OSBPL6: variants seen among roughly 807,000 people sequenced by gnomAD.
OSBPL6 encodes oxysterol binding protein like 6.
Under a neutral mutation model 125.8 loss-of-function variants are expected in OSBPL6, and 49 were observed. The ratio of observed to expected loss-of-function variants is 0.39; its 90% CI spans 0.31 to 0.49. The LOEUF (loss-of-function observed/expected upper bound fraction) is 0.49, where lower values mean the gene tolerates loss of function less well. OSBPL6 is among the 20% of genes least tolerant of loss of function. OSBPL6 has a pLI of 0.88. For synonymous variants in OSBPL6, 394 were observed against 391.8 expected (o/e 1.01, Z -0.07); for missense variants, 986 against 1,135.4 (o/e 0.87, Z 1.89).
At chr2:178,348,304 A>C (rs1256210940) in intron 11 of OSBPL6, among the ~76,000 whole-genome samples, 4 of 152,218 alleles carry the variant, frequency 2.6e-5, no homozygotes, top group Admixed American at 6.5e-5. Context: ...TGGTTCTTGA[A>C]GATAATTGAA....
At chr2:178,322,095 T>C (rs1688294458) in intron 3 of OSBPL6, among the ~76,000 whole-genome samples, 1 of 152,216 alleles carries the variant, frequency 6.6e-6, no homozygotes, top group Admixed American at 6.5e-5. Flanking sequence ...ACACTTCAAA[T>C]ATACCACATT....
chr2:178,355,504 C>T (rs1292314831), intron 12 of OSBPL6, among the ~76,000 whole-genome samples: 6 of 152,138 alleles, frequency 3.9e-5, no homozygotes, highest in African/African-American at 1.4e-4. Flanking sequence ...TTGATAAATT[C>T]CTGGATGCAT....
Position 178,211,688 on chromosome 2 carries a change from C to T in OSBPL6, c.-351+17014C>T, listed in dbSNP as rs1187826609. On this transcript the variant is annotated intron_variant, in intron 1 of 24. Transcript: ENST00000190611. ...CATCTTCATCTTTGCTTTTGGATCT[C>T]TCAGGTGTCAGCCACTGGCCCCAGT... Among the ~76,000 whole-genome samples the T allele has an allele frequency of 5.3e-5, 8 of 152,194 alleles. No homozygotes were observed. In the East Asian group the frequency reaches 1.5e-3, roughly 29 times the overall value.
At position 178,395,529 on chromosome 2, in the gene OSBPL6, T is replaced by C. The variant is rs1695785952; in HGVS notation, c.2775T>C (p.Phe925=). ...TYWELRKDPG[F]SKVDSPVLW ...GGGAGCTTCGAAAGGACCCTGGGTT[T>C]AGCAAAGTAGACAGCCCTGTTCTTT... is the stretch of plus-strand genomic sequence containing the variant. Residue 925 remains phenylalanine (F), a synonymous_variant, in exon 25 of 25, where the codon TTT becomes TTC. Transcript: ENST00000190611. The C allele has an allele frequency of 2.5e-6, 4 of 1,613,594 alleles. No individual in the cohort carries two copies. The highest frequency in any genetic ancestry group is 3.4e-6 in the Non-Finnish European group (4 of 1,179,598).
intron 1 of OSBPL6, among the ~76,000 whole-genome samples, chr2:178,229,483 C>T (rs1467444008): frequency 1.3e-5 from 2 of 152,196 alleles, no homozygotes; most frequent in Non-Finnish European, 2.9e-5. Context: ...TTCCCATTCC[C>T]TTTCCCTACC....
chr2:178,394,384 G>A lies in OSBPL6; in HGVS notation c.2645G>A (p.Arg882Gln), dbSNP rs767111652. 45 of 1,613,212 alleles carry A rather than the reference G, an allele frequency of 2.8e-5. No individual in the cohort carries two copies. The highest frequency in any genetic ancestry group is 8.9e-5 in the East Asian group (4 of 44,860). ...KQRVEELQRS[R>Q]RRYMEENNLE... is the part of the protein sequence containing the mutation. ...AGAGTAGAGGAACTCCAGAGATCTC[G>A]GAGACGATATATGGAAGAAAACAAT... Residue 882 changes from arginine to glutamine, a missense_variant, in exon 24 of 25, where the codon CGG becomes CAG. By Grantham distance (43) the Arg-to-Gln change is conservative. This residue lies in a region of OSBPL6 where 843 missense variants were observed against 997.3 expected (regional missense o/e 0.85). Transcript: ENST00000190611.
chr2:178,396,920 T>A lies in OSBPL6; in HGVS notation c.*1361T>A, dbSNP rs1349080738. On this transcript the variant is annotated 3_prime_UTR_variant, in exon 25 of 25. Coordinates refer to ENST00000190611, the MANE Select transcript of OSBPL6 (RefSeq NM_032523.4). ...TTCTGCACGTAGGTGACTATATAAA[T>A]GCCTGTATGTTTTTTTTAAAATATC... is the stretch of plus-strand genomic sequence containing the variant. The A allele has an allele frequency of 6.6e-6, 1 of 152,256 alleles. No individual in the cohort carries two copies. The highest frequency in any genetic ancestry group is 1.5e-5 in the Non-Finnish European group (1 of 68,046). The allele number at this position is 152,256 out of a possible 1,614,324, so 9.4% of individuals were successfully genotyped here. A position where few individuals can be genotyped will look rare whatever the true frequency, so the allele number is the denominator to read the frequency against.
chr2:178,205,019 G>A lies in OSBPL6; in HGVS notation c.-351+10345G>A, dbSNP rs146799962. 8.8e-3 allele frequency among the ~76,000 whole-genome samples: 1,340 copies of A among 151,950 alleles called. 31 individuals carry two copies. Among genetic ancestry groups the A allele is most frequent in the East Asian group, 0.075 (390 of 5,178 alleles). On this transcript the variant is annotated intron_variant, in intron 1 of 24. Transcript: ENST00000190611. ...ACACTGTACCCCACCTTCCCCCACC[G>A]TGAGCCCCAGCCTTTCTCAGTTTCA...
intron 1 of OSBPL6, among the ~76,000 whole-genome samples, chr2:178,226,440 G>A (rs2090566420): frequency 6.6e-6 from 1 of 152,210 alleles, no homozygotes; most frequent in Admixed American, 6.5e-5. Context: ...ATGGGTCTGG[G>A]GTGGGAAGAG....
intron 13 of OSBPL6, among the ~76,000 whole-genome samples, chr2:178,371,526 C>G (rs1004431979): frequency 3.9e-5 from 6 of 152,150 alleles, no homozygotes; most frequent in African/African-American, 1.4e-4. Context: ...AGTGTCTACA[C>G]TGTTGAGTGA....
At chr2:178,273,080 G>A (rs143059043) in intron 1 of OSBPL6, among the ~76,000 whole-genome samples, 1 of 152,282 alleles carries the variant, frequency 6.6e-6, no homozygotes, top group Non-Finnish European at 1.5e-5. Flanking sequence ...GATGTAATGG[G>A]GAGACTGTTC....
chr2:178,372,311 TC>T, intron 14 of OSBPL6, 78 bp downstream of exon 14: 1 of 979,812 alleles, frequency 1.0e-6, no homozygotes, highest in Non-Finnish European at 1.5e-6. Context: ...TTTATTTATA[TC>T]CAGTTCTTTC....
chr2:178,308,013 GA>G (rs1305582559), intron 3 of OSBPL6, among the ~76,000 whole-genome samples: 1 of 152,220 alleles, frequency 6.6e-6, no homozygotes, highest in Non-Finnish European at 1.5e-5. Context: ...TGATGGGAAT[GA>G]AAGGAGCATG....
At chr2:178,310,751 A>G (rs1574833949) in intron 3 of OSBPL6, among the ~76,000 whole-genome samples, 1 of 151,226 alleles carries the variant, frequency 6.6e-6, no homozygotes, top group Admixed American at 6.6e-5. Context: ...TCTCAAATCT[A>G]CTCCTGCCCA....
intron 3 of OSBPL6, among the ~76,000 whole-genome samples, chr2:178,314,790 C>G (rs1186453443): frequency 6.6e-6 from 1 of 152,160 alleles, no homozygotes; most frequent in Non-Finnish European, 1.5e-5. Context: ...TTGCCAACAG[C>G]TAATGAGCAG....
intron 12 of OSBPL6, among the ~76,000 whole-genome samples, chr2:178,358,174 A>G (rs1389101368): frequency 2.6e-5 from 4 of 152,226 alleles, no homozygotes; most frequent in Non-Finnish European, 5.9e-5. Context: ...TGGCACATGT[A>G]TACCTATGTA....
intron 13 of OSBPL6, among the ~76,000 whole-genome samples, chr2:178,363,671 G>A (rs1238226491): frequency 6.6e-6 from 1 of 152,156 alleles, no homozygotes; most frequent in Non-Finnish European, 1.5e-5. Flanking sequence ...CATGATAAAA[G>A]TAAAATAAAG....
rs193270345 is a variant in OSBPL6 at position 178,293,772 on chromosome 2, C to T, written c.-156+8651C>T. On this transcript the variant is annotated intron_variant, in intron 2 of 24. Transcript: ENST00000190611. ...TTTTTGTACCCATTAATCATCCTCA[C>T]CTCCCCCCACCCTCCACTACCCTTC... 3.9e-5 allele frequency among the ~76,000 whole-genome samples: 6 copies of T among 152,094 alleles called. No homozygotes were observed. The East Asian group carries it at 9.7e-4, about 24-fold the overall frequency.
intron 15 of OSBPL6, among the ~76,000 whole-genome samples, chr2:178,376,539 T>C (rs1693891774): frequency 6.6e-6 from 1 of 152,136 alleles, no homozygotes; most frequent in Admixed American, 6.5e-5. Context: ...TCTCCCATCT[T>C]GCTGCCTCCC....
Sources: gnomAD v4.1 joint callset for allele counts (sites outside exome capture counted in the v4.1 genomes callset) on GRCh38, gnomAD v4.1.1 for gene constraint, gnomAD v4.1.1 regional missense constraint, MANE v1.5 for transcripts, NCBI Gene and HGNC (gene_info 2026-07-23, HGNC 2026-07-21) for gene names.